SPAG9: variants seen among roughly 807,000 people sequenced by gnomAD.
SPAG9 encodes the protein C-Jun-amino-terminal kinase-interacting protein 4.
A neutral mutation model predicts 166.5 loss-of-function variants in SPAG9; 35 were observed. The observed-to-expected ratio is 0.21, with a 90% CI of 0.16 to 0.28. The LOEUF is 0.28. Among genes scored for constraint, SPAG9 ranks in the 10% least tolerant of loss-of-function variants. SPAG9 has a pLI of 1.00. For missense variants in SPAG9, 1,235 were observed against 1,603.3 expected (o/e 0.77, Z 3.92); for synonymous variants, 534 against 565.5 (o/e 0.94, Z 0.79).
intron 1 of SPAG9, among the ~76,000 whole-genome samples, chr17:51,100,763 T>C (rs1378941427): frequency 6.6e-6 from 1 of 151,582 alleles, no homozygotes; most frequent in Non-Finnish European, 1.5e-5. Context: ...CTACTAAAAA[T>C]ACAAAATTAG....
intron 28 of SPAG9, among the ~76,000 whole-genome samples, chr17:50,971,978 G>T (rs1165433745): frequency 6.6e-6 from 1 of 151,474 alleles, no homozygotes; most frequent in Non-Finnish European, 1.5e-5. Context: ...AGTTGGTCAG[G>T]CTGGTCTCAA....
chr17:51,046,997 A>G, intron 4 of SPAG9: 7 of 1,273,952 alleles, frequency 5.5e-6, no homozygotes, highest in Non-Finnish European at 6.1e-6. Context: ...CCTACACCAA[A>G]CAGATGGCTA....
At chr17:51,035,188 G>A (rs922846058) in intron 5 of SPAG9, among the ~76,000 whole-genome samples, 1 of 152,150 alleles carries the variant, frequency 6.6e-6, no homozygotes, top group Non-Finnish European at 1.5e-5. Flanking sequence ...TCCTGGGCTG[G>A]ATTCTGGAAG....
chr17:50,999,378 T>A, intron 14 of SPAG9: 1 of 932,392 alleles, frequency 1.1e-6, no homozygotes, highest in Non-Finnish European at 1.5e-6. Context: ...TCTAAATAAT[T>A]CCCCATTATT....
chr17:51,091,071 G>A (rs373448548), intron 1 of SPAG9, among the ~76,000 whole-genome samples: 62 of 151,616 alleles, frequency 4.1e-4, no homozygotes, highest in African/African-American at 1.5e-3. Flanking sequence ...ACACCAGCCT[G>A]GGCAATATGA....
At chr17:50,996,506 GCA>G in intron 16 of SPAG9, 57 bp downstream of exon 16, 5 of 1,596,920 alleles carry the variant, frequency 3.1e-6, no homozygotes, top group Non-Finnish European at 4.3e-6. Context: ...TCATGCCCAC[GCA>G]CACTCAACTT....
intron 1 of SPAG9, among the ~76,000 whole-genome samples, chr17:51,118,513 G>A (rs1194129113): frequency 1.3e-5 from 2 of 152,136 alleles, no homozygotes; most frequent in East Asian, 3.8e-4. Context: ...TTTATTTTAC[G>A]TGAGGTAAAA....
chr17:51,099,099 CAA>C (rs35291018), intron 1 of SPAG9, among the ~76,000 whole-genome samples: 4 of 45,968 alleles, frequency 8.7e-5, no homozygotes, highest in Admixed American at 4.6e-4. Context: ...GACTCCGTCT[CAA>C]AAAAAAAAAA....
chr17:51,013,883 T>C (rs918137530), intron 9 of SPAG9, among the ~76,000 whole-genome samples: 2 of 114,450 alleles, frequency 1.7e-5, no homozygotes, highest in African/African-American at 6.6e-5. Flanking sequence ...CATCAATCCA[T>C]ACACACACAC....
At chr17:51,052,362 C>G (rs1371553718) in intron 3 of SPAG9, among the ~76,000 whole-genome samples, 2 of 152,100 alleles carry the variant, frequency 1.3e-5, no homozygotes, top group African/African-American at 4.8e-5. Context: ...AAATTGTGGG[C>G]TAGAGCAGAA....
intron 1 of SPAG9, among the ~76,000 whole-genome samples, chr17:51,099,138 C>T (rs1598179651): frequency 6.9e-6 from 1 of 145,000 alleles, no homozygotes; most frequent in African/African-American, 2.5e-5. Flanking sequence ...TGTACCATTA[C>T]TACAGTGAAA....
chr17:51,100,053 T>C (rs553643096), intron 1 of SPAG9, among the ~76,000 whole-genome samples: 99 of 152,236 alleles, frequency 6.5e-4, no homozygotes, highest in African/African-American at 1.7e-3. Flanking sequence ...TGGACCGAGA[T>C]TGTGCCACTG....
chr17:50,979,466 T>C (rs1351386896), intron 26 of SPAG9, among the ~76,000 whole-genome samples: 1 of 151,636 alleles, frequency 6.6e-6, no homozygotes, highest in African/African-American at 2.4e-5. Flanking sequence ...GATAACTTAA[T>C]TCATTGGTTC....
intron 25 of SPAG9, 41 bp from the exon 26 acceptor site, chr17:50,979,958 T>G: frequency 6.3e-7 from 1 of 1,583,056 alleles, no homozygotes; most frequent in Non-Finnish European, 8.7e-7. Flanking sequence ...TTTTGCTACA[T>G]AGAATTTCAT....
intron 6 of SPAG9, chr17:51,031,305 A>G: frequency 4.1e-6 from 1 of 244,226 alleles, no homozygotes; most frequent in Non-Finnish European, 8.1e-6. Context: ...GAAGCAGTCC[A>G]CTGTAAGATG....
intron 1 of SPAG9, among the ~76,000 whole-genome samples, chr17:51,118,978 G>A (rs1420733364): frequency 3.5e-5 from 5 of 142,660 alleles, no homozygotes; most frequent in East Asian, 2.0e-4. Flanking sequence ...AGGTTGCAGT[G>A]AGCCAAGATC....
intron 1 of SPAG9, among the ~76,000 whole-genome samples, chr17:51,081,289 A>G (rs1275528794): frequency 2.6e-5 from 4 of 152,122 alleles, no homozygotes; most frequent in Admixed American, 6.6e-5. Context: ...GGTCTCTACT[A>G]AAAACACAAA....
At chr17:51,106,633 C>G (rs1261820316) in intron 1 of SPAG9, among the ~76,000 whole-genome samples, 1 of 151,708 alleles carries the variant, frequency 6.6e-6, no homozygotes, top group South Asian at 2.1e-4. Flanking sequence ...CCTGTCTCTA[C>G]CAAAAATACA....
chr17:51,059,529 G>T (rs956744076), intron 2 of SPAG9, among the ~76,000 whole-genome samples: 3 of 151,876 alleles, frequency 2.0e-5, no homozygotes, highest in Admixed American at 6.6e-5. Context: ...CGAGGTGGGC[G>T]GATCACAAGG....
Sources: gnomAD v4.1 joint callset for allele counts (sites outside exome capture counted in the v4.1 genomes callset) on GRCh38, gnomAD v4.1.1 for gene constraint, MANE v1.5 for transcripts, NCBI Gene and HGNC (gene_info 2026-07-23, HGNC 2026-07-21) for gene names.